Variants in SUSD1 observed in about 807,000 individuals in gnomAD.
SUSD1 encodes the protein sushi domain containing 1.
SUSD1 carries 65 observed loss-of-function variants against 86.9 expected under a neutral mutation model. The observed-to-expected ratio is 0.75, with a 90% CI of 0.61 to 0.92. The LOEUF (loss-of-function observed/expected upper bound fraction) is 0.92, where lower values mean the gene tolerates loss of function less well. SUSD1 is among the 40% of genes least tolerant of loss of function. SUSD1 has a pLI of 0.00. For missense variants in SUSD1, 850 were observed against 929.7 expected, an observed-to-expected ratio of 0.91 and a Z score of 1.11; for synonymous variants, 346 against 350.0, an observed-to-expected ratio of 0.99 and a Z score of 0.13.
At chr9:112,131,283 A>G (rs555652527) in intron 5 of SUSD1, among the ~76,000 whole-genome samples, 1 of 152,318 alleles carries the variant, frequency 6.6e-6, no homozygotes, top group South Asian at 2.1e-4. Context: ...CTAAAACCTA[A>G]GGAGAAAACG....
chr9:112,118,099 C>G (rs1223377853), intron 6 of SUSD1, among the ~76,000 whole-genome samples: 1 of 152,132 alleles, frequency 6.6e-6, no homozygotes, highest in Non-Finnish European at 1.5e-5. Context: ...TTTTTGGAAA[C>G]AGCAAAAGGT....
chr9:112,124,298 G>A lies in SUSD1; in HGVS notation c.845C>T (p.Thr282Ile), dbSNP rs1831675555. The A allele has an allele frequency of 6.2e-7, 1 of 1,614,054 alleles. No homozygotes were observed. The highest frequency in any genetic ancestry group is 2.2e-5 in the East Asian group (1 of 44,892). Reference protein sequence around the residue: ...SPGGKITSVCTEKGTWRESTL... With the variant: ...SPGGKITSVCIEKGTWRESTL... Reference sequence around the variant, plus strand: ...ACTTTCTCTCCAGGTGCCTTTCTCTGTGCAAACAGAAGTGATCTTTCCTCC... The same window carrying A: ...ACTTTCTCTCCAGGTGCCTTTCTCTATGCAAACAGAAGTGATCTTTCCTCC... Residue 282 changes from threonine to isoleucine, a missense_variant, in exon 6 of 17, where the codon ACA becomes ATA. Thr to Ile is a moderately conservative substitution (Grantham distance 89). Transcript: ENST00000374270.
Position 112,155,303 on chromosome 9 carries a change from T to C in SUSD1, c.217+2197A>G, listed in dbSNP as rs547294134. ...AGCACCCATGGGAGGAGGAATTCCT[T>C]TGGGAAGTGAACAGAAAAATTTATC... On this transcript the variant is annotated intron_variant, in intron 2 of 16. Coordinates refer to ENST00000374270, the MANE Select transcript of SUSD1 (RefSeq NM_022486.5). 3.3e-5 allele frequency among the ~76,000 whole-genome samples: 5 copies of C among 151,336 alleles called. No homozygotes were observed. In the East Asian group the frequency reaches 7.8e-4, roughly 24 times the overall value.
intron 5 of SUSD1, among the ~76,000 whole-genome samples, chr9:112,131,015 T>C (rs903954143): frequency 6.6e-6 from 1 of 151,912 alleles, no homozygotes; most frequent in East Asian, 1.9e-4. Context: ...AGAGACCCTG[T>C]CCCAAAAACA....
chr9:112,111,438 C>T (rs1450135480), intron 8 of SUSD1, among the ~76,000 whole-genome samples: 2 of 152,102 alleles, frequency 1.3e-5, no homozygotes, highest in African/African-American at 2.4e-5. Context: ...CCGGAGGGCT[C>T]AGCTGAGAAA....
At chr9:112,116,332 C>G (rs1831324179) in intron 6 of SUSD1, among the ~76,000 whole-genome samples, 1 of 152,198 alleles carries the variant, frequency 6.6e-6, no homozygotes, top group South Asian at 2.1e-4. Context: ...AGCAGTTTAA[C>G]AAAGTTTGGT....
At chr9:112,173,691 G>A in intron 1 of SUSD1, 1 of 430,532 alleles carries the variant, frequency 2.3e-6, no homozygotes, top group Non-Finnish European at 4.5e-6. Context: ...CTTGAGGTGG[G>A]CAACGTAGGC....
intron 15 of SUSD1, among the ~76,000 whole-genome samples, chr9:112,044,714 G>A (rs1240723549): frequency 1.3e-5 from 2 of 152,186 alleles, no homozygotes; most frequent in South Asian, 4.1e-4. Context: ...ATTAGGAAAT[G>A]TTAGTGAATA....
chr9:112,042,692 C>T (rs1181231515), intron 15 of SUSD1, among the ~76,000 whole-genome samples: 3 of 152,166 alleles, frequency 2.0e-5, no homozygotes, highest in African/African-American at 7.2e-5. Context: ...TACTATGTGC[C>T]AGACACTGTT....
chr9:112,081,410 G>A (rs752839004), intron 10 of SUSD1, among the ~76,000 whole-genome samples: 1 of 152,170 alleles, frequency 6.6e-6, no homozygotes, highest in African/African-American at 2.4e-5. Flanking sequence ...GTTGCAACAC[G>A]GAGCAGGTAG....
At chr9:112,080,898 G>A (rs1236506854) in intron 10 of SUSD1, among the ~76,000 whole-genome samples, 1 of 152,238 alleles carries the variant, frequency 6.6e-6, no homozygotes, top group East Asian at 1.9e-4. Flanking sequence ...AAAGTGCTTT[G>A]AAGCAATCAG....
At chr9:112,045,618 T>G (rs967528420) in intron 15 of SUSD1, among the ~76,000 whole-genome samples, 2 of 152,168 alleles carry the variant, frequency 1.3e-5, no homozygotes, top group African/African-American at 4.8e-5. Context: ...GAACTGCTGT[T>G]TTTTCTACCA....
rs937157880 is a variant in SUSD1 at position 112,175,057 on chromosome 9, G to C, written c.103+76C>G. On this transcript the variant is annotated intron_variant, in intron 1 of 16. Transcript: ENST00000374270. This position sits in a 1 kb window ranked among gnomAD's most constrained non-coding sequence, Gnocchi z 4.7. ...CGGCCCGGCCCAGGGGCGGGGAAGC[G>C]TCCGTGCGCCCAGAGTCCTCGAGGC... The C allele has an allele frequency of 4.1e-6, 4 of 980,460 alleles. No homozygotes were observed. The South Asian group carries it at 1.9e-4, about 46-fold the overall frequency. The allele number at this position is 980,460 out of a possible 1,614,324, so 60.7% of individuals were successfully genotyped here.
At chr9:112,147,374 C>T (rs1167739819) in intron 3 of SUSD1, among the ~76,000 whole-genome samples, 5 of 152,014 alleles carry the variant, frequency 3.3e-5, no homozygotes, top group East Asian at 1.9e-4. Flanking sequence ...GGCATGGTGG[C>T]GGGTGCCTGT....
At position 112,170,710 on chromosome 9, in the gene SUSD1, T is replaced by TATATAG. The variant is rs758442726; in HGVS notation, c.103+4422_103+4423insCTATAT. 1.8e-4 allele frequency among the ~76,000 whole-genome samples: 20 copies of TATATAG among 113,826 alleles called. 1 individual carries two copies. Among genetic ancestry groups the TATATAG allele is most frequent in the South Asian group, 6.5e-4 (2 of 3,084 alleles). 74.7% of individuals were successfully genotyped at this position (113,826 alleles called of 152,430 possible). A position where few individuals can be genotyped will look rare whatever the true frequency, so the allele number is the denominator to read the frequency against. ...GCCAGATCATATATATATATATATA[T>TATATAG]AGAGAGAGAGAGAGAGAGAGAGAGA... On this transcript the variant is annotated intron_variant, in intron 1 of 16. Coordinates refer to ENST00000374270, the MANE Select transcript of SUSD1 (RefSeq NM_022486.5).
chr9:112,094,229 T>C (rs1830309471), intron 10 of SUSD1, among the ~76,000 whole-genome samples: 1 of 152,206 alleles, frequency 6.6e-6, no homozygotes, highest in South Asian at 2.1e-4. Context: ...GTGGGAGGTT[T>C]TAAAGAGCAT....
At chr9:112,146,374 A>G (rs1271181513) in intron 3 of SUSD1, among the ~76,000 whole-genome samples, 1 of 152,200 alleles carries the variant, frequency 6.6e-6, no homozygotes, top group Non-Finnish European at 1.5e-5. Context: ...AGTTGTATAC[A>G]TCAAAAGGGT....
intron 12 of SUSD1, among the ~76,000 whole-genome samples, chr9:112,065,410 A>G (rs574924670): frequency 6.6e-6 from 1 of 152,202 alleles, no homozygotes; most frequent in Non-Finnish European, 1.5e-5. Context: ...CTGTAATCCC[A>G]GCTACTCAGG....
chr9:112,155,811 A>C (rs935977665), intron 2 of SUSD1, among the ~76,000 whole-genome samples: 1 of 151,004 alleles, frequency 6.6e-6, no homozygotes, highest in Admixed American at 6.6e-5. Context: ...AAAATGAAGA[A>C]GGGGAAGAAG....
Sources: allele counts gnomAD v4.1 joint callset (sites outside exome capture counted in the v4.1 genomes callset), GRCh38; gene constraint gnomAD v4.1.1; non-coding constraint Gnocchi (gnomAD v3.1); transcripts MANE v1.5; gene names NCBI Gene and HGNC (gene_info 2026-07-23, HGNC 2026-07-21).